Variants in GCN1 observed in about 807,000 individuals in gnomAD.
GCN1 encodes GCN1 activator of EIF2AK4.
In GCN1, 90 loss-of-function variants were observed where a neutral mutation model predicts 288.4. That is an observed-to-expected ratio of 0.31 (90% CI 0.26 to 0.37). The LOEUF is 0.37. Among genes scored for constraint, GCN1 ranks in the 10% least tolerant of loss-of-function variants. The pLI, the probability that GCN1 is intolerant of heterozygous loss-of-function variation, is 1.00. For synonymous variants in GCN1, 1,386 were observed against 1,420.2 expected (o/e 0.98, Z 0.54); for missense variants, 2,586 against 3,419.9 (o/e 0.76, Z 6.08).
intron 33 of GCN1, among the ~76,000 whole-genome samples, chr12:120,151,777 C>T (rs1877561941): frequency 6.6e-6 from 1 of 152,174 alleles, no homozygotes; most frequent in Non-Finnish European, 1.5e-5. Flanking sequence ...TGTTTCCAAA[C>T]TTGTCAAAAT....
Position 120,137,627 on chromosome 12 carries a change from A to G in GCN1, c.6581T>C (p.Val2194Ala). 6.2e-7 allele frequency: 1 copy of G among 1,614,148 alleles called. No individual in the cohort carries two copies. The highest frequency in any genetic ancestry group is 2.2e-5 in the East Asian group (1 of 44,880). ...ADYTSHLRSLVSGLIRLFNDS... is the reference protein window; with the variant it reads ...ADYTSHLRSLASGLIRLFNDS... ...ATTGAAGAGGCGGATCAGGCCCGAG[A>G]CCAGGCTCCGCAGGTGGCTGGTGTA... Residue 2194 changes from valine (V) to alanine (A), a missense_variant, in exon 49 of 58, where the codon GTC becomes GCC. Physicochemically the swap from Val to Ala is moderately conservative, Grantham distance 64. Transcript: ENST00000300648. The surrounding 1 kb of genome is among the most constrained non-coding windows in gnomAD (Gnocchi z 5.2).
At position 120,156,142 on chromosome 12, in the gene GCN1, T is replaced by C. The variant is rs983060628; in HGVS notation, c.3312+319A>G. Among the ~76,000 whole-genome samples, 1 of 152,182 alleles carries C rather than the reference T, an allele frequency of 6.6e-6. No individual in the cohort carries two copies. Among genetic ancestry groups the C allele is most frequent in the Non-Finnish European group, 1.5e-5 (1 of 68,028 alleles). ...GCTTCAGTTTTTGGTCCAAAAGCCA[T>C]GAAGAAAAACCAAGTACATGGCAGT... On this transcript the variant is annotated intron_variant, in intron 28 of 57. Transcript: ENST00000300648. The surrounding 1 kb of genome is among the most constrained non-coding windows in gnomAD (Gnocchi z 5.8).
In GCN1 at chr12:120,136,456, G is replaced by A; in HGVS notation, c.7008+46C>T. Reference sequence around the variant, plus strand: ...TGACACCTTGTATCAGGCTCCTGCAGACAGACCTGTTCTCTAAGATCTGAA... The same window carrying A: ...TGACACCTTGTATCAGGCTCCTGCAAACAGACCTGTTCTCTAAGATCTGAA... On this transcript the variant is annotated intron_variant, in intron 51 of 57. Coordinates refer to ENST00000300648, the MANE Select transcript of GCN1 (RefSeq NM_006836.2). 2.8e-6 allele frequency: 4 copies of A among 1,435,580 alleles called. No homozygotes were observed. In the South Asian group the frequency reaches 4.6e-5, roughly 17 times the overall value. 88.9% of individuals were successfully genotyped at this position (1,435,580 alleles called of 1,614,324 possible). A position where few individuals can be genotyped will look rare whatever the true frequency, so the allele number is the denominator to read the frequency against.
intron 57 of GCN1, 29 bp downstream of exon 57, chr12:120,129,247 C>T (rs1255426520): frequency 3.4e-6 from 5 of 1,489,974 alleles, no homozygotes; most frequent in Non-Finnish European, 4.7e-6. Context: ...GCTCACAGCA[C>T]ATCCTGGTGA....
At chr12:120,162,300 C>T (rs1179750444) in intron 20 of GCN1, 15 of 532,568 alleles carry the variant, frequency 2.8e-5, no homozygotes, top group South Asian at 2.7e-4. Context: ...TCTCAATCTC[C>T]GTGGTTCAGG....
chr12:120,150,323 G>A (rs1269417339), intron 34 of GCN1, among the ~76,000 whole-genome samples: 3 of 152,174 alleles, frequency 2.0e-5, no homozygotes, highest in Admixed American at 6.5e-5. Context: ...TTGGCCGGGC[G>A]CGGTGGCTCA....
chr12:120,186,357 A>G (rs1878820458), intron 2 of GCN1, among the ~76,000 whole-genome samples: 4 of 151,828 alleles, frequency 2.6e-5, no homozygotes. Flanking sequence ...CCCAGGAGAC[A>G]GAGCGAGACT....
At chr12:120,178,806 G>C in intron 6 of GCN1, 46 bp downstream of exon 6, 1 of 1,613,454 alleles carries the variant, frequency 6.2e-7, no homozygotes, top group Non-Finnish European at 8.5e-7. Context: ...CAGTGGGGGA[G>C]TGGCATGGAA....
intron 3 of GCN1, 91 bp downstream of exon 3, chr12:120,184,733 C>A (rs1878768386): frequency 4.3e-6 from 4 of 924,756 alleles, no homozygotes; most frequent in Admixed American, 1.7e-5. Flanking sequence ...TGGCACCAGG[C>A]AGTCTGGCTC....
At chr12:120,141,619 T>C (rs932897105) in intron 44 of GCN1, among the ~76,000 whole-genome samples, 1 of 151,746 alleles carries the variant, frequency 6.6e-6, no homozygotes, top group Non-Finnish European at 1.5e-5. Context: ...CCAGCCACAC[T>C]GGCCTTGCTC....
At chr12:120,193,489 G>C (rs981874542) in intron 1 of GCN1, among the ~76,000 whole-genome samples, 2 of 152,156 alleles carry the variant, frequency 1.3e-5, no homozygotes, top group Non-Finnish European at 2.9e-5. Flanking sequence ...ATTTTTAGTA[G>C]AGACGGGGTT....
chr12:120,154,266 T>G (rs573737065), intron 31 of GCN1, among the ~76,000 whole-genome samples: 12 of 152,320 alleles, frequency 7.9e-5, no homozygotes, highest in African/African-American at 2.9e-4. Flanking sequence ...AGTGAACACA[T>G]TCTCCAAGGG....
At chr12:120,174,217 G>A in intron 12 of GCN1, 48 bp from the exon 13 acceptor site, 1 of 1,092,826 alleles carries the variant, frequency 9.2e-7, no homozygotes. Flanking sequence ...CAGAACCACA[G>A]AGGCAAGTCT....
In GCN1 at chr12:120,144,569, G is replaced by T; in HGVS notation, c.5352+70C>A. 1 of 1,551,436 alleles carries T rather than the reference G, an allele frequency of 6.4e-7. No homozygotes were observed. The highest frequency in any genetic ancestry group is 8.8e-7 in the Non-Finnish European group (1 of 1,131,708). ...CAACCCCAGCCAGCAGGGATCTCTAGCTCTCCAGGTGAGCACTTGCCTCCT... is the reference window on the plus strand; with the variant it reads ...CAACCCCAGCCAGCAGGGATCTCTATCTCTCCAGGTGAGCACTTGCCTCCT... On this transcript the variant is annotated intron_variant, in intron 41 of 57. Coordinates refer to ENST00000300648, the MANE Select transcript of GCN1 (RefSeq NM_006836.2). This position sits in a 1 kb window ranked among gnomAD's most constrained non-coding sequence, Gnocchi z 4.7.
chr12:120,151,848 A>T (rs1185769148), intron 33 of GCN1, among the ~76,000 whole-genome samples: 1 of 151,990 alleles, frequency 6.6e-6, no homozygotes, highest in Non-Finnish European at 1.5e-5. Context: ...ACCAAAAGAC[A>T]CTCAATCCTG....
At chr12:120,188,294 C>T (rs529864007) in intron 2 of GCN1, among the ~76,000 whole-genome samples, 60 of 152,100 alleles carry the variant, frequency 3.9e-4, no homozygotes, top group African/African-American at 1.3e-3. Context: ...ATTAGCTGGG[C>T]GTGGTAGCAG....
At chr12:120,154,784 T>C (rs1435521659) in intron 31 of GCN1, among the ~76,000 whole-genome samples, 186 bp downstream of exon 31, 1 of 152,178 alleles carries the variant, frequency 6.6e-6, no homozygotes, top group Non-Finnish European at 1.5e-5. Context: ...GAGGCTCTTC[T>C]GAAAGATGGT....
At chr12:120,149,106 A>G (rs61464388) in intron 36 of GCN1, among the ~76,000 whole-genome samples, 1,900 of 144,288 alleles carry the variant, frequency 0.013, 32 homozygotes, top group African/African-American at 0.045. Context: ...CTGGGGGGGG[A>G]AAACTTTAAA....
chr12:120,158,374 A>T lies in GCN1; in HGVS notation c.2905+86T>A. ...TATGGTCCAATCCCCCAGGCTCAGG[A>T]GGCCCTGGGTGACGCTGTGCCTTGA... is the stretch of plus-strand genomic sequence containing the variant. On this transcript the variant is annotated intron_variant, in intron 25 of 57. Coordinates refer to ENST00000300648, the MANE Select transcript of GCN1 (RefSeq NM_006836.2). This position sits in a 1 kb window ranked among gnomAD's most constrained non-coding sequence, Gnocchi z 4.3. The T allele has an allele frequency of 8.8e-7, 1 of 1,130,476 alleles. No homozygotes were observed. The highest frequency in any genetic ancestry group is 1.2e-6 in the Non-Finnish European group (1 of 807,636). 70.0% of individuals were successfully genotyped at this position (1,130,476 alleles called of 1,614,324 possible).
Sources: gnomAD v4.1 joint callset for allele counts (sites outside exome capture counted in the v4.1 genomes callset) on GRCh38, gnomAD v4.1.1 for gene constraint, Gnocchi (gnomAD v3.1) non-coding constraint, MANE v1.5 for transcripts, NCBI Gene and HGNC (gene_info 2026-07-23, HGNC 2026-07-21) for gene names.